The following ST18 variants were observed in gnomAD, a reference collection of about 807,000 sequenced individuals.
ST18 encodes ST18 C2H2C-type zinc finger transcription factor, also known as suppression of tumorigenicity 18 protein.
Under a neutral mutation model 110.0 loss-of-function variants are expected in ST18, and 50 were observed. The observed-to-expected ratio is 0.45, with a 90% CI of 0.36 to 0.58. The LOEUF (loss-of-function observed/expected upper bound fraction) is 0.58, where lower values mean the gene tolerates loss of function less well. Among genes scored for constraint, ST18 ranks in the 20% least tolerant of loss-of-function variants. The probability of loss-of-function intolerance (pLI) is 0.00; values close to 1 mark genes in which losing one functional copy is unlikely to be tolerated. For missense variants in ST18, 1,306 were observed against 1,280.1 expected (o/e 1.02, Z -0.31); for synonymous variants, 461 against 452.4 (o/e 1.02, Z -0.24).
intron 2 of ST18, among the ~76,000 whole-genome samples, chr8:52,378,768 T>C (rs1256615216): frequency 6.6e-6 from 1 of 152,206 alleles, no homozygotes; most frequent in Non-Finnish European, 1.5e-5. Flanking sequence ...AGACTGAGTA[T>C]TTGGAGAATT....
chr8:52,176,689 T>C (rs185488302), intron 9 of ST18, among the ~76,000 whole-genome samples: 4 of 152,364 alleles, frequency 2.6e-5, no homozygotes, highest in African/African-American at 9.6e-5. Context: ...AGTTTTCTGG[T>C]AATCCTACAG....
intron 8 of ST18, among the ~76,000 whole-genome samples, chr8:52,184,511 T>G (rs773926796): frequency 6.6e-6 from 1 of 152,196 alleles, no homozygotes; most frequent in South Asian, 2.1e-4. Flanking sequence ...AATAGTTGAA[T>G]GAAAATTTTT....
chr8:52,408,143 A>G (rs1477109639), intron 2 of ST18, among the ~76,000 whole-genome samples: 1 of 152,224 alleles, frequency 6.6e-6, no homozygotes, highest in Non-Finnish European at 1.5e-5. Flanking sequence ...ATAACATCAA[A>G]CTAATTTAAT....
chr8:52,324,253 C>T lies in ST18; in HGVS notation c.-465+85075G>A, dbSNP rs545231613. ...TCAGGTTTGTTACTGTCCTTAATTG[C>T]AAGACAATAAGAAAAGTCTCACTAG... On this transcript the variant is annotated intron_variant, in intron 2 of 25. Transcript: ENST00000689386. Among the ~76,000 whole-genome samples, 100 of 152,016 alleles carry T rather than the reference C, an allele frequency of 6.6e-4. No homozygotes were observed. In the South Asian group the frequency reaches 0.02, roughly 30 times the overall value.
At chr8:52,382,088 G>A (rs5015618) in intron 2 of ST18, among the ~76,000 whole-genome samples, 6,480 of 152,112 alleles carry the variant, frequency 0.043, 225 homozygotes, top group East Asian at 0.13. Context: ...TAGGGATCCT[G>A]ATTTGGGGTT....
chr8:52,227,453 G>A (rs2089882220), intron 3 of ST18, among the ~76,000 whole-genome samples: 1 of 152,108 alleles, frequency 6.6e-6, no homozygotes, highest in Admixed American at 6.6e-5. Flanking sequence ...GATGATTCCT[G>A]AAAAATTCAT....
intron 19 of ST18, among the ~76,000 whole-genome samples, chr8:52,134,480 T>C (rs1317219686): frequency 6.6e-6 from 1 of 152,214 alleles, no homozygotes. Flanking sequence ...CAAATTTCCA[T>C]TTGAGAAAAA....
At chr8:52,372,320 T>C (rs1830561656) in intron 2 of ST18, among the ~76,000 whole-genome samples, 1 of 152,206 alleles carries the variant, frequency 6.6e-6, no homozygotes, top group Non-Finnish European at 1.5e-5. Flanking sequence ...TGTGTTTTAA[T>C]CTAAGTGTTA....
intron 2 of ST18, among the ~76,000 whole-genome samples, chr8:52,281,739 C>T (rs1012882247): frequency 1.3e-5 from 2 of 152,290 alleles, no homozygotes; most frequent in East Asian, 1.9e-4. Context: ...TAATGGCATT[C>T]GCAGGAATCT....
At chr8:52,252,591 T>TGG (rs1337907007) in intron 2 of ST18, among the ~76,000 whole-genome samples, 1 of 151,920 alleles carries the variant, frequency 6.6e-6, no homozygotes, top group African/African-American at 2.4e-5. Flanking sequence ...TACAACCACC[T>TGG]TACGCTCTCC....
intron 2 of ST18, chr8:52,248,515 T>G (rs1333733419): frequency 6.6e-6 from 1 of 152,234 alleles, no homozygotes; most frequent in African/African-American, 2.4e-5. Flanking sequence ...TCTCTTGAAC[T>G]AAACATCCTC....
chr8:52,136,598 C>T lies in ST18; in HGVS notation c.2292G>A (p.Gln764=), dbSNP rs199527592. ...ACGCTTCCCGCACTTACTTAAGCTC[C>T]TGAGAGTTGGCAGCCATGAGGGATT... The part of the protein sequence containing the change: ...TLKSLMAANS[Q]ELKCPTPGCD... The change falls in exon 19 of 26, where the codon CAG becomes CAA. Residue 764 remains glutamine (Q), a synonymous_variant. Transcript: ENST00000689386. The T allele has an allele frequency of 1.9e-6, 3 of 1,610,972 alleles. No homozygotes were observed. Among genetic ancestry groups the T allele is most frequent in the East Asian group, 4.5e-5 (2 of 44,848 alleles).
Position 52,166,932 on chromosome 8 carries a change from C to T in ST18, c.1124G>A (p.Gly375Asp). 1 of 1,612,504 alleles carries T rather than the reference C, an allele frequency of 6.2e-7. No homozygotes were observed. The highest frequency in any genetic ancestry group is 8.5e-7 in the Non-Finnish European group (1 of 1,178,766). ...GTAGAGCCCTGTCACGTGTCCCGTG[C>T]CATCACATCCAGGGATCGGGCACTT... Reference protein sequence around the residue: ...ETKCPIPGCDGTGHVTGLYPH... With the variant: ...ETKCPIPGCDDTGHVTGLYPH... The change falls in exon 11 of 26, where the codon GGC becomes GAC. Residue 375 changes from glycine (G) to aspartate (D), a missense_variant. Physicochemically the swap from Gly to Asp is moderately conservative, Grantham distance 94 (BLOSUM62 -1). Coordinates refer to ENST00000689386, the MANE Select transcript of ST18 (RefSeq NM_001352837.2).
At chr8:52,266,540 CT>C (rs759084646) in intron 2 of ST18, among the ~76,000 whole-genome samples, 5,674 of 131,242 alleles carry the variant, frequency 0.043, 148 homozygotes, top group Admixed American at 0.086. Flanking sequence ...GTTTCTGCCA[CT>C]TTTTTTTTTT....
rs1039395542 is a variant in ST18, at chr8:52,132,144, A to G, written c.2480T>C (p.Ile827Thr). The G allele has an allele frequency of 6.2e-7, 1 of 1,613,662 alleles. No individual in the cohort carries two copies. The highest frequency in any genetic ancestry group is 1.3e-5 in the African/African-American group (1 of 74,892). The part of the protein sequence containing the change: ...PVIGCDGQGH[I>T]SGKYTSHRTA... The stretch of plus-strand genomic sequence containing the variant: ...GCGGTGTGATGTGTATTTACCTGAT[A>G]TGTGACCTTGGCCATCACACCCTAT... Residue 827 changes from isoleucine (I) to threonine (T), a missense_variant, in exon 22 of 26, where the codon ATA becomes ACA. Ile to Thr is a moderately conservative substitution (Grantham distance 89). Coordinates refer to ENST00000689386, the MANE Select transcript of ST18 (RefSeq NM_001352837.2).
chr8:52,126,179 A>G (rs2046998490), intron 22 of ST18, 39 bp from the exon 23 acceptor site: 4 of 1,562,240 alleles, frequency 2.6e-6, no homozygotes, highest in Non-Finnish European at 3.5e-6. Flanking sequence ...TGAAATGTAT[A>G]TGATTTCTTA....
intron 2 of ST18, among the ~76,000 whole-genome samples, chr8:52,408,108 G>A (rs889432291): frequency 2.1e-4 from 32 of 152,130 alleles, no homozygotes; most frequent in African/African-American, 7.5e-4. Flanking sequence ...TACAAAGTCA[G>A]TAAGAAAAAT....
intron 22 of ST18, among the ~76,000 whole-genome samples, chr8:52,130,512 G>C (rs753382245): frequency 6.6e-6 from 1 of 152,230 alleles, no homozygotes; most frequent in Admixed American, 6.5e-5. Flanking sequence ...CCAGTCTGGA[G>C]TTAGTAGAGC....
At chr8:52,222,246 C>T (rs1049573836) in intron 3 of ST18, among the ~76,000 whole-genome samples, 1 of 152,156 alleles carries the variant, frequency 6.6e-6, no homozygotes, top group Non-Finnish European at 1.5e-5. Flanking sequence ...CATTAGCATT[C>T]GAATAAGCAC....
Sources: gnomAD v4.1 joint callset for allele counts (sites outside exome capture counted in the v4.1 genomes callset) on GRCh38, gnomAD v4.1.1 for gene constraint, MANE v1.5 for transcripts, NCBI Gene and HGNC (gene_info 2026-07-23, HGNC 2026-07-21) for gene names.